PRMT7: variants seen among roughly 807,000 people sequenced by gnomAD.
The protein encoded by PRMT7 is protein arginine methyltransferase 7.
Under a neutral mutation model 85.4 loss-of-function variants are expected in PRMT7, and 75 were observed. The observed-to-expected ratio is 0.88, with a 90% CI of 0.73 to 1.06. The LOEUF (loss-of-function observed/expected upper bound fraction) is 1.06. Among genes scored for constraint, PRMT7 ranks in the 50% least tolerant of loss-of-function variants. The pLI is 0.00. For synonymous variants in PRMT7, 397 were observed against 359.5 expected, an observed-to-expected ratio of 1.10 and a Z score of -1.18; for missense variants, 868 against 915.2, an observed-to-expected ratio of 0.95 and a Z score of 0.67.
intron 14 of PRMT7, 184 bp from the exon 15 acceptor site, chr16:68,352,064 A>C: frequency 1.7e-6 from 1 of 602,804 alleles, no homozygotes; most frequent in Non-Finnish European, 2.9e-6. Flanking sequence ...TTGTTTGTTG[A>C]CTGAGGGAGG....
At chr16:68,329,352 AC>A in intron 6 of PRMT7, 178 bp downstream of exon 6, 1 of 503,626 alleles carries the variant, frequency 2.0e-6, no homozygotes, top group Non-Finnish European at 3.6e-6. Flanking sequence ...GCTAGTTAAA[AC>A]TAGTCAACAA....
At chr16:68,353,620 C>G in intron 16 of PRMT7, 54 bp downstream of exon 16, 2 of 1,466,392 alleles carry the variant, frequency 1.4e-6, no homozygotes, top group Non-Finnish European at 1.8e-6. Flanking sequence ...GTATCGCAGG[C>G]CTCTCACAGG....
intron 18 of PRMT7, 92 bp downstream of exon 18, chr16:68,356,889 T>G: frequency 7.1e-7 from 1 of 1,415,356 alleles, no homozygotes; most frequent in Non-Finnish European, 9.6e-7. Context: ...TCTGGGTGTT[T>G]CTGTCACAAG....
chr16:68,322,021 CA>C (rs2082553046), intron 4 of PRMT7, among the ~76,000 whole-genome samples: 1 of 151,598 alleles, frequency 6.6e-6, no homozygotes, highest in Non-Finnish European at 1.5e-5. Flanking sequence ...GATCTCGGCT[CA>C]CTGCAGCCTC....
intron 6 of PRMT7, 80 bp from the exon 7 acceptor site, chr16:68,337,379 A>G: frequency 3.1e-6 from 3 of 972,120 alleles, no homozygotes; most frequent in Non-Finnish European, 4.8e-6. Flanking sequence ...CCCCTTAACC[A>G]CTTATCTTTC....
chr16:68,316,845 A>G (rs538145311), intron 3 of PRMT7: 1 of 152,384 alleles, frequency 6.6e-6, no homozygotes, highest in African/African-American at 2.4e-5. Flanking sequence ...GGCTGTGGAT[A>G]CCAGATGAAG....
At chr16:68,337,824 C>T (rs2084924916) in intron 7 of PRMT7, among the ~76,000 whole-genome samples, 1 of 152,230 alleles carries the variant, frequency 6.6e-6, no homozygotes, top group South Asian at 2.1e-4. Context: ...CAAATATTCT[C>T]AGGAAGGCGA....
intron 11 of PRMT7, 54 bp downstream of exon 11, chr16:68,346,334 C>T: frequency 6.2e-7 from 1 of 1,605,988 alleles, no homozygotes; most frequent in South Asian, 1.1e-5. Context: ...AGAAGTTTGT[C>T]CCATGAACCC....
At position 68,315,924 on chromosome 16, in the gene PRMT7, G is replaced by C; in HGVS notation, c.-56G>C. On this transcript the variant is annotated 5_prime_UTR_variant, in exon 3 of 19. Coordinates refer to ENST00000441236, the MANE Select transcript of PRMT7 (RefSeq NM_019023.5). The stretch of plus-strand genomic sequence containing the variant: ...TTCTGACAGTCAGACTTGTCCACAA[G>C]AACTCAACTGGCAAGGCTGCTTTTC... The C allele has an allele frequency of 7.0e-7, 1 of 1,436,736 alleles. No homozygotes were observed. Among genetic ancestry groups the C allele is most frequent in the Non-Finnish European group, 9.8e-7 (1 of 1,022,118 alleles). The allele number at this position is 1,436,736 out of a possible 1,614,324, so 89.0% of individuals were successfully genotyped here.
chr16:68,356,463 C>T (rs1269328455), intron 17 of PRMT7, among the ~76,000 whole-genome samples: 1 of 152,272 alleles, frequency 6.6e-6, no homozygotes, highest in Non-Finnish European at 1.5e-5. Context: ...CACACCGGCC[C>T]TGCCCCATGT....
At chr16:68,333,458 G>A (rs1316574546) in intron 6 of PRMT7, among the ~76,000 whole-genome samples, 1 of 150,274 alleles carries the variant, frequency 6.7e-6, no homozygotes, top group African/African-American at 2.5e-5. Flanking sequence ...TTCAGCCTGG[G>A]CAACAAGAGC....
intron 5 of PRMT7, among the ~76,000 whole-genome samples, chr16:68,327,595 C>T (rs7206600): frequency 0.068 from 10,272 of 152,132 alleles, 675 homozygotes; most frequent in African/African-American, 0.17. Flanking sequence ...AGTAGTTTCC[C>T]CTTATCTATG....
intron 3 of PRMT7, among the ~76,000 whole-genome samples, chr16:68,320,779 C>G (rs1001980306): frequency 6.6e-6 from 1 of 152,116 alleles, no homozygotes; most frequent in Non-Finnish European, 1.5e-5. Flanking sequence ...TTCTGCAGCA[C>G]TAGAGAATAA....
rs551527250 is a variant in PRMT7, at chr16:68,324,969, C to T, written c.282+137C>T. The T allele has an allele frequency of 3.5e-4, 399 of 1,136,086 alleles. No individual in the cohort carries two copies. In the African/African-American group the frequency reaches 5.3e-3, roughly 15 times the overall value. The allele number at this position is 1,136,086 out of a possible 1,614,324, so 70.4% of individuals were successfully genotyped here. A position where few individuals can be genotyped will look rare whatever the true frequency, so the allele number is the denominator to read the frequency against. ...GCCAAGCACAGAGCCAGGCTCTGAG[C>T]GTATAGAGATGAGTCAGACACAGTT... On this transcript the variant is annotated intron_variant, in intron 5 of 18. Transcript: ENST00000441236.
chr16:68,320,053 G>A (rs981990246), intron 3 of PRMT7, among the ~76,000 whole-genome samples: 7 of 152,198 alleles, frequency 4.6e-5, no homozygotes, highest in Non-Finnish European at 2.9e-5. Flanking sequence ...GTGGGTGTAT[G>A]TGAGTGCTTC....
Position 68,346,393 on chromosome 16 carries a change from A to G in PRMT7, c.1191+113A>G, listed in dbSNP as rs576183795. The G allele has an allele frequency of 4.9e-4, 725 of 1,491,302 alleles. 8 individuals carry two copies. In the South Asian group the frequency reaches 8.5e-3, roughly 17 times the overall value. 92.4% of individuals were successfully genotyped at this position (1,491,302 alleles called of 1,614,324 possible). ...GTTTCTTTCCTGTGTCCTCTTGTCT[A>G]TGAGTGGCTTCAGCGAGCGCCTCCT... On this transcript the variant is annotated intron_variant, in intron 11 of 18. Coordinates refer to ENST00000441236, the MANE Select transcript of PRMT7 (RefSeq NM_019023.5).
Position 68,347,689 on chromosome 16 carries a change from ATTG to A in PRMT7, c.1323+18_1323+20del, listed in dbSNP as rs146086340. 1.8e-3 allele frequency: 2,929 copies of A among 1,613,352 alleles called. 47 individuals carry two copies. In the African/African-American group the frequency reaches 0.033, roughly 18 times the overall value. On this transcript the variant is annotated intron_variant, in intron 13 of 18. Coordinates refer to ENST00000441236, the MANE Select transcript of PRMT7 (RefSeq NM_019023.5). ...AAACTGTTGAGAAAAGTAAGTGAGA[ATTG>A]TTGTTGCTGAAATAGTGAGAGGACC...
rs1357567644 is a variant in PRMT7, at chr16:68,339,559, T to A, written c.742T>A (p.Phe248Ile). The A allele has an allele frequency of 2.5e-6, 4 of 1,613,332 alleles. No individual in the cohort carries two copies. Among genetic ancestry groups the A allele is most frequent in the Non-Finnish European group, 2.5e-6 (3 of 1,179,738 alleles). The change falls in exon 8 of 19, where the codon TTC (phenylalanine) becomes ATC (isoleucine). Residue 248 changes from phenylalanine (F) to isoleucine (I), a missense_variant. By Grantham distance (21) the Phe-to-Ile change is conservative. Coordinates refer to ENST00000441236, the MANE Select transcript of PRMT7 (RefSeq NM_019023.5). ...AGTCCTCAGCGATGTGCTGCCCATG[T>A]TCAGGTACCAAGGAGCCACCATAGG... is the stretch of plus-strand genomic sequence containing the variant. Reference protein sequence around the residue: ...FTVLSDVLPMFSIDFSKQVSS... With the variant: ...FTVLSDVLPMISIDFSKQVSS...
At chr16:68,350,771 G>A (rs1204341174) in intron 14 of PRMT7, among the ~76,000 whole-genome samples, 1 of 152,196 alleles carries the variant, frequency 6.6e-6, no homozygotes, top group East Asian at 1.9e-4. Flanking sequence ...TCTCCTTTCT[G>A]TCTTTAGCTT....
Sources: gnomAD v4.1 joint callset for allele counts (sites outside exome capture counted in the v4.1 genomes callset) on GRCh38, gnomAD v4.1.1 for gene constraint, MANE v1.5 for transcripts, NCBI Gene and HGNC (gene_info 2026-07-23, HGNC 2026-07-21) for gene names.